SYTL4: variants seen among roughly 807,000 people sequenced by gnomAD.
SYTL4 encodes the protein synaptotagmin like 4.
SYTL4 carries 16 observed loss-of-function variants against 52.7 expected under a neutral mutation model. The ratio of observed to expected loss-of-function variants is 0.30; its 90% CI spans 0.21 to 0.46. SYTL4 has a LOEUF of 0.46. Ranked by LOEUF, SYTL4 falls within the 20% of genes least tolerant of loss-of-function variation. SYTL4 has a pLI of 1.00. For synonymous variants in SYTL4, 160 were observed against 186.6 expected (o/e 0.86, Z 1.16); for missense variants, 423 against 519.9 (o/e 0.81, Z 1.81).
intron 15 of SYTL4, 90 bp from the exon 16 acceptor site, chrX:100,686,241 G>A (rs950874018): frequency 1.1e-6 from 1 of 921,878 alleles, no homozygotes; most frequent in Non-Finnish European, 1.5e-6. Flanking sequence ...CATTCCTGAA[G>A]TCACTAGTCC....
At chrX:100,713,026 C>G (rs1028427757) in intron 2 of SYTL4, among the ~76,000 whole-genome samples, 1 of 112,500 alleles carries the variant, frequency 8.9e-6, no homozygotes, top group Admixed American at 9.4e-5. Context: ...CTCTCATACA[C>G]TACAGTGGGA....
chrX:100,685,089 T>C (rs2083452175), intron 16 of SYTL4: 1 of 112,770 alleles, frequency 8.9e-6, no homozygotes, highest in African/African-American at 3.2e-5. Context: ...CTTTATGTTG[T>C]TTTAATTTTG....
At chrX:100,726,944 G>C (rs1569421913) in intron 2 of SYTL4, among the ~76,000 whole-genome samples, 1 of 109,105 alleles carries the variant, frequency 9.2e-6, no homozygotes, top group Non-Finnish European at 1.9e-5. Flanking sequence ...TCACCCTTCT[G>C]AGTCTCCATT....
At chrX:100,713,729 T>C (rs1313670812) in intron 2 of SYTL4, among the ~76,000 whole-genome samples, 1 of 110,702 alleles carries the variant, frequency 9.0e-6, no homozygotes, top group Non-Finnish European at 1.9e-5. Flanking sequence ...AAGAGGTAAA[T>C]GGATAAACAA....
At chrX:100,684,079 T>C (rs1467129361) in intron 16 of SYTL4, among the ~76,000 whole-genome samples, 5 of 112,140 alleles carry the variant, frequency 4.5e-5, no homozygotes, top group African/African-American at 1.6e-4. Flanking sequence ...TTTATTGACA[T>C]ATAATATTTG....
chrX:100,714,880 A>G (rs148636457), intron 2 of SYTL4, among the ~76,000 whole-genome samples: 226 of 112,513 alleles, frequency 2.0e-3, no homozygotes, highest in African/African-American at 7.1e-3. Flanking sequence ...TAGCTGTATC[A>G]TAAACCAAAA....
intron 8 of SYTL4, among the ~76,000 whole-genome samples, chrX:100,699,798 A>G (rs1236032038): frequency 1.8e-5 from 2 of 109,435 alleles, no homozygotes; most frequent in Non-Finnish European, 3.8e-5. Flanking sequence ...CTGGCCCAGC[A>G]TTACTCTTAA....
Position 100,689,911 on chromosome X carries a change from T to A in SYTL4, c.857A>T (p.Glu286Val). ...GCTTCTGTCTCCCAAGGAGCCACTT[T>A]CATGTACCACATCTTCTGGGCGAAG... ...IDLRPEDVVHESGSLGDRSKS... is the reference protein window; with the variant it reads ...IDLRPEDVVHVSGSLGDRSKS... The change falls in exon 12 of 20, where the codon GAA becomes GTA. Residue 286 changes from glutamate (E) to valine (V), a missense_variant. Glu to Val is a moderately radical substitution (Grantham distance 121). Transcript: ENST00000372989. The A allele has an allele frequency of 1.7e-6, 2 of 1,210,723 alleles. No individual in the cohort carries two copies. Among genetic ancestry groups the A allele is most frequent in the Admixed American group, 4.4e-5 (2 of 45,977 alleles).
Position 100,678,598 on chromosome X carries a change from A to G in SYTL4, c.1660T>C (p.Tyr554His), listed in dbSNP as rs1569370965. 9.1e-6 allele frequency: 11 copies of G among 1,205,051 alleles called. No individual in the cohort carries two copies. The highest frequency in any genetic ancestry group is 4.4e-5 in the Admixed American group (2 of 45,703). Residue 554 changes from tyrosine to histidine, a missense_variant and splice_region_variant, in exon 19 of 20, where the codon TAC (tyrosine) becomes CAC (histidine). Tyr to His is a moderately conservative substitution (Grantham distance 83). Transcript: ENST00000372989. ...GCCTTGTTCCTCATGGGAAGGAGGT[A>G]TCTGGCAGAGGGCGGGGAGTAATCA... Reference protein sequence around the residue: ...GGTSDSFVKGYLLPMRNKASK... With the variant: ...GGTSDSFVKGHLLPMRNKASK...
chrX:100,687,287 C>T (rs369272765), intron 13 of SYTL4, 42 bp from the exon 14 acceptor site: 2 of 1,118,726 alleles, frequency 1.8e-6, no homozygotes, highest in Non-Finnish European at 1.2e-6. Flanking sequence ...AAGGCACACT[C>T]CCCCGCCCGC....
At chrX:100,686,981 G>T in intron 14 of SYTL4, 86 bp downstream of exon 14, 1 of 1,049,319 alleles carries the variant, frequency 9.5e-7, no homozygotes, top group South Asian at 2.2e-5. Flanking sequence ...CCCAGAAACA[G>T]ATAAGCTCTG....
Position 100,687,188 on chromosome X carries a change from AGAT to A in SYTL4, c.1060_1062del (p.Ile354del). The A allele has an allele frequency of 8.3e-7, 1 of 1,211,593 alleles. No homozygotes were observed. Among genetic ancestry groups the A allele is most frequent in the Non-Finnish European group, 1.1e-6 (1 of 895,311 alleles). On this transcript the variant is annotated inframe_deletion, in exon 14 of 20. Transcript: ENST00000372989. ...GAAAAGGCAATCCTGCCAGTCACAA[AGAT>A]GTTCCCGAAATCACCAGCTTCACTG...
chrX:100,689,964 G>A lies in SYTL4; in HGVS notation c.809-5C>T. On this transcript the variant is annotated splice_polypyrimidine_tract_variant and splice_region_variant and intron_variant, in intron 11 of 19. Transcript: ENST00000372989. The stretch of plus-strand genomic sequence containing the variant: ...CTATCACAGATTTAGTGTACTCTGA[G>A]GGGAAGACCAAAAAAGCCAAATCAA... 8.4e-7 allele frequency: 1 copy of A among 1,186,572 alleles called. No homozygotes were observed. Among genetic ancestry groups the A allele is most frequent in the Non-Finnish European group, 1.1e-6 (1 of 874,790 alleles).
At chrX:100,705,225 T>C (rs1297271892) in intron 2 of SYTL4, among the ~76,000 whole-genome samples, 1 of 112,108 alleles carries the variant, frequency 8.9e-6, no homozygotes. Context: ...GAATTGACTA[T>C]ACGCCAAACA....
At chrX:100,699,650 G>A (rs2083803379) in intron 8 of SYTL4, among the ~76,000 whole-genome samples, 1 of 88,869 alleles carries the variant, frequency 1.1e-5, no homozygotes, top group Non-Finnish European at 2.2e-5. Flanking sequence ...CACCACACCT[G>A]GCTAATTTTT....
intron 10 of SYTL4, 125 bp downstream of exon 10, chrX:100,690,438 G>A (rs1029434967): frequency 1.6e-5 from 6 of 375,562 alleles, no homozygotes; most frequent in Non-Finnish European, 8.8e-6. Context: ...TGGAGGGAGG[G>A]AGGGAAGAAA....
chrX:100,678,380 G>A lies in SYTL4; in HGVS notation c.1867+11C>T, dbSNP rs748769278. ...CCTTCAAACAAGTGAGGATGGGGGA[G>A]GGGATCTCACCAGTGCCAACACCCA... On this transcript the variant is annotated intron_variant, in intron 19 of 19. Transcript: ENST00000372989. The A allele has an allele frequency of 8.4e-7, 1 of 1,190,323 alleles. No individual in the cohort carries two copies. Among genetic ancestry groups the A allele is most frequent in the Non-Finnish European group, 1.1e-6 (1 of 876,801 alleles).
intron 17 of SYTL4, 91 bp downstream of exon 17, chrX:100,681,136 C>T (rs1380821793): frequency 1.3e-6 from 1 of 786,868 alleles, no homozygotes; most frequent in African/African-American, 2.0e-5. Flanking sequence ...AATTTGGTCT[C>T]TCCAACAGTG....
At position 100,716,952 on chromosome X, in the gene SYTL4, C is replaced by A. The variant is rs943462113; in HGVS notation, c.-239-12066G>T. ...GGATTCAGACCCCAGCTCCCATCTC[C>A]CCACATCCTTTCTGGCTCTTGGGTT... On this transcript the variant is annotated intron_variant, in intron 2 of 19. Coordinates refer to ENST00000372989, the MANE Select transcript of SYTL4 (RefSeq NM_001370165.1). Among the ~76,000 whole-genome samples, 3 of 111,924 alleles carry A rather than the reference C, an allele frequency of 2.7e-5. No homozygotes were observed. In the South Asian group the frequency reaches 1.1e-3, roughly 42 times the overall value.
Sources: allele counts gnomAD v4.1 joint callset (sites outside exome capture counted in the v4.1 genomes callset), GRCh38; gene constraint gnomAD v4.1.1; transcripts MANE v1.5; gene names NCBI Gene and HGNC (gene_info 2026-07-23, HGNC 2026-07-21).